The following ITGB6 variants were observed in gnomAD, a reference collection of about 807,000 sequenced individuals.
The protein encoded by ITGB6 is integrin beta-6.
ITGB6 carries 80 observed loss-of-function variants against 84.5 expected under a neutral mutation model. The observed-to-expected ratio is 0.95, with a 90% CI of 0.79 to 1.14. The LOEUF (loss-of-function observed/expected upper bound fraction) is 1.14. Ranked by LOEUF, ITGB6 falls within the 50% of genes most tolerant of loss-of-function variation. The probability of loss-of-function intolerance (pLI) is 0.00; values close to 1 mark genes in which losing one functional copy is unlikely to be tolerated. For missense variants in ITGB6, 1,006 were observed against 968.0 expected, an observed-to-expected ratio of 1.04 and a Z score of -0.52; for synonymous variants, 383 against 354.9, an observed-to-expected ratio of 1.08 and a Z score of -0.89.
rs975698003 is a variant in ITGB6, at chr2:160,101,002, G to A, written c.*734C>T. On this transcript the variant is annotated 3_prime_UTR_variant, in exon 15 of 15. Transcript: ENST00000283249. Reference sequence around the variant, plus strand: ...CAGTTTGAAAACTCAGAGTCAAAAAGGAAACAGTGTAGAATATCGTTTTTC... The same window carrying A: ...CAGTTTGAAAACTCAGAGTCAAAAAAGAAACAGTGTAGAATATCGTTTTTC... 6.6e-6 allele frequency: 1 copy of A among 152,070 alleles called. No individual in the cohort carries two copies. Among genetic ancestry groups the A allele is most frequent in the South Asian group, 2.1e-4 (1 of 4,824 alleles). 9.4% of individuals were successfully genotyped at this position (152,070 alleles called of 1,614,324 possible). A position where few individuals can be genotyped will look rare whatever the true frequency, so the allele number is the denominator to read the frequency against.
chr2:160,157,364 C>A (rs1347451017), intron 7 of ITGB6, among the ~76,000 whole-genome samples: 1 of 152,074 alleles, frequency 6.6e-6, no homozygotes, highest in Admixed American at 6.6e-5. Flanking sequence ...TTTCTTTAAC[C>A]TAAAGCCTTA....
chr2:160,167,539 G>A (rs1156821198), intron 7 of ITGB6, among the ~76,000 whole-genome samples: 1 of 152,134 alleles, frequency 6.6e-6, no homozygotes, highest in South Asian at 2.1e-4. Flanking sequence ...ACATAAATTC[G>A]CCTCATAATA....
intron 14 of ITGB6, among the ~76,000 whole-genome samples, chr2:160,104,317 G>T (rs1696829216): frequency 6.6e-6 from 1 of 152,196 alleles, no homozygotes; most frequent in African/African-American, 2.4e-5. Context: ...GTTCCAGGAG[G>T]AGGTGTGGAA....
At chr2:160,177,367 C>T (rs1179440201) in intron 4 of ITGB6, among the ~76,000 whole-genome samples, 1 of 151,930 alleles carries the variant, frequency 6.6e-6, no homozygotes, top group Non-Finnish European at 1.5e-5. Context: ...GAGATAGAGA[C>T]CATCCTGGCT....
At chr2:160,123,333 C>A (rs576413286) in intron 12 of ITGB6, among the ~76,000 whole-genome samples, 3 of 152,182 alleles carry the variant, frequency 2.0e-5, no homozygotes, top group East Asian at 3.9e-4. Flanking sequence ...GGAAAAATGG[C>A]CACTAACCAG....
chr2:160,151,178 T>G (rs991025743), intron 7 of ITGB6, among the ~76,000 whole-genome samples: 7 of 152,118 alleles, frequency 4.6e-5, no homozygotes, highest in Non-Finnish European at 8.8e-5. Flanking sequence ...CTTTTAAAAT[T>G]GACCACATAA....
intron 7 of ITGB6, among the ~76,000 whole-genome samples, chr2:160,164,422 T>G (rs1684927188): frequency 6.6e-6 from 1 of 152,206 alleles, no homozygotes; most frequent in Non-Finnish European, 1.5e-5. Context: ...CTGGGCACAG[T>G]GGCTCACACC....
chr2:160,132,823 A>G (rs1051619639), intron 10 of ITGB6, among the ~76,000 whole-genome samples: 1 of 152,146 alleles, frequency 6.6e-6, no homozygotes, highest in African/African-American at 2.4e-5. Context: ...TAAAACATAC[A>G]TATTTCTACT....
chr2:160,171,325 A>ATCTATTTTTTTTTTTTTTTTTTTT (rs1414747829), intron 6 of ITGB6, among the ~76,000 whole-genome samples: 3 of 126,004 alleles, frequency 2.4e-5, no homozygotes, highest in African/African-American at 2.7e-5. Context: ...CAGAAATCAA[A>ATCTATTTTTTTTTTTTTTTTTTTT]TTTATTTTTT....
At chr2:160,126,952 G>A (rs1023631964) in intron 10 of ITGB6, among the ~76,000 whole-genome samples, 1 of 152,180 alleles carries the variant, frequency 6.6e-6, no homozygotes, top group Non-Finnish European at 1.5e-5. Context: ...AGGCCGTGAT[G>A]AGAGTGGGTG....
intron 12 of ITGB6, among the ~76,000 whole-genome samples, chr2:160,121,415 T>C (rs551634139): frequency 1.3e-5 from 2 of 152,198 alleles, no homozygotes; most frequent in Non-Finnish European, 2.9e-5. Flanking sequence ...CTATGTAATG[T>C]TTTCATATCT....
At chr2:160,141,342 A>G (rs976841504) in intron 8 of ITGB6, among the ~76,000 whole-genome samples, 1 of 152,174 alleles carries the variant, frequency 6.6e-6, no homozygotes, top group Non-Finnish European at 1.5e-5. Context: ...TAATGGAGTT[A>G]TGAAATGGAG....
intron 7 of ITGB6, among the ~76,000 whole-genome samples, chr2:160,143,368 A>G (rs907146978): frequency 1.3e-5 from 2 of 152,172 alleles, no homozygotes; most frequent in African/African-American, 4.8e-5. Flanking sequence ...GGTCACACCC[A>G]TACCAAGTGT....
Position 160,138,178 on chromosome 2 carries a change from G to C in ITGB6, c.1129C>G (p.Leu377Val), listed in dbSNP as rs1683841133. 1 of 1,611,850 alleles carries C rather than the reference G, an allele frequency of 6.2e-7. No individual in the cohort carries two copies. Among genetic ancestry groups the C allele is most frequent in the East Asian group, 2.2e-5 (1 of 44,840 alleles). Residue 377 changes from leucine (L) to valine (V), a missense_variant, in exon 9 of 15, where the codon CTG becomes GTG. Physicochemically the swap from Leu to Val is conservative, Grantham distance 32 (BLOSUM62 1). Transcript: ENST00000283249. ...AYEELRSEVE[L>V]EVLGDTEGLN... Reference sequence around the variant, plus strand: ...CCTTCAGTGTCTCCTAATACTTCCAGTTCCACCTCAGACCGCAGTTCCTTT... The same window carrying C: ...CCTTCAGTGTCTCCTAATACTTCCACTTCCACCTCAGACCGCAGTTCCTTT...
chr2:160,117,484 A>G (rs927138034), intron 12 of ITGB6, among the ~76,000 whole-genome samples: 4 of 152,254 alleles, frequency 2.6e-5, no homozygotes, highest in African/African-American at 9.6e-5. Flanking sequence ...AAGAAACAAC[A>G]TACCAGAATC....
chr2:160,128,535 G>T (rs1293753045), intron 10 of ITGB6, among the ~76,000 whole-genome samples: 1 of 152,152 alleles, frequency 6.6e-6, no homozygotes, highest in Non-Finnish European at 1.5e-5. Flanking sequence ...AGAAAAATCA[G>T]GAGTAGAGGC....
chr2:160,192,235 AG>A (rs1686169799), intron 4 of ITGB6, among the ~76,000 whole-genome samples: 2 of 152,166 alleles, frequency 1.3e-5, no homozygotes, highest in Non-Finnish European at 2.9e-5. Context: ...AAGCTCTGTA[AG>A]GGGGGTAGTG....
chr2:160,114,480 G>A (rs139590112), intron 12 of ITGB6, among the ~76,000 whole-genome samples: 1 of 152,330 alleles, frequency 6.6e-6, no homozygotes, highest in Non-Finnish European at 1.5e-5. Flanking sequence ...ATGTGGGCCT[G>A]GGAAGGTCCA....
Position 160,137,654 on chromosome 2 carries a change from G to A in ITGB6, c.1440C>T (p.Ala480=). The change falls in exon 10 of 15, where the codon GCC becomes GCT. Residue 480 remains alanine (A), a synonymous_variant. Transcript: ENST00000283249. ...GAGGCCCCATGTGGCCAGGGTGGCAGGCACACACCCCACACTGGAAAGAGC... is the reference window on the plus strand; with the variant it reads ...GAGGCCCCATGTGGCCAGGGTGGCAAGCACACACCCCACACTGGAAAGAGC... ...GNGSFQCGVC[A]CHPGHMGPRC... is the part of the protein sequence containing the mutation. 1 of 1,614,204 alleles carries A rather than the reference G, an allele frequency of 6.2e-7. No individual in the cohort carries two copies. Among genetic ancestry groups the A allele is most frequent in the Non-Finnish European group, 8.5e-7 (1 of 1,180,034 alleles).
Sources: allele counts gnomAD v4.1 joint callset (sites outside exome capture counted in the v4.1 genomes callset), GRCh38; gene constraint gnomAD v4.1.1; transcripts MANE v1.5; gene names NCBI Gene and HGNC (gene_info 2026-07-23, HGNC 2026-07-21).